The following BBX variants were observed in gnomAD, a reference collection of about 807,000 sequenced individuals.
The protein encoded by BBX is HMG box transcription factor BBX.
In BBX, 30 loss-of-function variants were observed where a neutral mutation model predicts 100.2. That is an observed-to-expected ratio of 0.30 (90% CI 0.22 to 0.41). The LOEUF is 0.41. Among genes scored for constraint, BBX ranks in the 10% least tolerant of loss-of-function variants. The pLI is 1.00. For missense variants in BBX, 1,023 were observed against 1,129.8 expected (o/e 0.91, Z 1.35); for synonymous variants, 376 against 388.1 (o/e 0.97, Z 0.37).
intron 2 of BBX, among the ~76,000 whole-genome samples, chr3:107,566,187 AAAAAAAAAAAAAAAAGAT>A (rs1434645006): frequency 6.8e-6 from 1 of 146,142 alleles, no homozygotes; most frequent in African/African-American, 2.7e-5. Context: ...AAAAAAAAAA[AAAAAAAAAAAAAAAAGAT>A]AGTTTGTTGA....
intron 2 of BBX, among the ~76,000 whole-genome samples, chr3:107,583,290 G>T (rs1339495736): frequency 1.3e-5 from 2 of 151,918 alleles, no homozygotes; most frequent in Non-Finnish European, 2.9e-5. Context: ...AAAAGGATTG[G>T]AAAGGAACTT....
intron 3 of BBX, among the ~76,000 whole-genome samples, chr3:107,688,482 A>C (rs1384702877): frequency 6.6e-6 from 1 of 152,206 alleles, no homozygotes. Flanking sequence ...TTTAGCCATT[A>C]GTTAAGGGGT....
At chr3:107,553,480 G>T (rs946933696) in intron 2 of BBX, among the ~76,000 whole-genome samples, 2 of 152,282 alleles carry the variant, frequency 1.3e-5, no homozygotes, top group Admixed American at 1.3e-4. Context: ...TAAAATCTAA[G>T]TCCTGGCTTT....
chr3:107,671,078 A>AT (rs2058998635), intron 3 of BBX, among the ~76,000 whole-genome samples: 1 of 150,884 alleles, frequency 6.6e-6, no homozygotes, highest in South Asian at 2.1e-4. Context: ...TTTTAAAAAA[A>AT]TTTTTTGGAG....
chr3:107,670,849 ACAT>A (rs778819313), intron 3 of BBX, among the ~76,000 whole-genome samples: 5 of 152,082 alleles, frequency 3.3e-5, no homozygotes, highest in Non-Finnish European at 5.9e-5. Flanking sequence ...AACACCAACA[ACAT>A]CTCTACCTCG....
intron 17 of BBX, 60 bp from the exon 18 acceptor site, chr3:107,805,310 C>G (rs536992997): frequency 1.3e-6 from 2 of 1,490,216 alleles, no homozygotes; most frequent in Admixed American, 2.0e-5. Flanking sequence ...ATTCATCGTC[C>G]TCTCCTGTCT....
At chr3:107,775,077 A>T (rs2067219054) in intron 12 of BBX, among the ~76,000 whole-genome samples, 1 of 152,156 alleles carries the variant, frequency 6.6e-6, no homozygotes, top group Non-Finnish European at 1.5e-5. Flanking sequence ...TCACATTTTG[A>T]TCATAGTGAA....
At chr3:107,565,415 T>A (rs956139947) in intron 2 of BBX, among the ~76,000 whole-genome samples, 4 of 150,814 alleles carry the variant, frequency 2.7e-5, no homozygotes, top group African/African-American at 9.7e-5. Context: ...GTCTAATATT[T>A]ATTTCACTAC....
intron 16 of BBX, among the ~76,000 whole-genome samples, chr3:107,800,174 A>G (rs1338743384): frequency 6.6e-6 from 1 of 152,256 alleles, no homozygotes; most frequent in Non-Finnish European, 1.5e-5. Flanking sequence ...TACATTCAAT[A>G]CAATAGAAGT....
intron 3 of BBX, among the ~76,000 whole-genome samples, chr3:107,653,216 A>G (rs1195701463): frequency 6.6e-6 from 1 of 152,214 alleles, no homozygotes; most frequent in African/African-American, 2.4e-5. Flanking sequence ...AGAGCTTAAA[A>G]TGCAACCACA....
intron 5 of BBX, among the ~76,000 whole-genome samples, chr3:107,717,636 G>A (rs536945370): frequency 2.5e-4 from 38 of 152,096 alleles, no homozygotes; most frequent in African/African-American, 7.9e-4. Flanking sequence ...GCATTTCCAT[G>A]TAGGAAGGCT....
In BBX at chr3:107,697,842, C is replaced by T. The variant is rs557953119; in HGVS notation, c.-9-12610C>T. On this transcript the variant is annotated intron_variant, in intron 3 of 17. Transcript: ENST00000325805. ...GATCTCAGACTGCTGTGCTAGCAAT[C>T]AGGGAGACTCCGTGGGCGTACGACC... Among the ~76,000 whole-genome samples the T allele has an allele frequency of 2.6e-4, 40 of 152,004 alleles. 1 individual carries two copies. In the East Asian group the frequency reaches 7.7e-3, roughly 29 times the overall value.
At chr3:107,632,425 T>C (rs891543099) in intron 2 of BBX, among the ~76,000 whole-genome samples, 1 of 152,182 alleles carries the variant, frequency 6.6e-6, no homozygotes. Flanking sequence ...TTTTAGTTTT[T>C]GAAAGTGTCT....
chr3:107,559,398 G>A (rs1258451827), intron 2 of BBX, among the ~76,000 whole-genome samples: 1 of 152,192 alleles, frequency 6.6e-6, no homozygotes, highest in African/African-American at 2.4e-5. Flanking sequence ...AGAAGAAGCA[G>A]TACAGAAGTT....
At chr3:107,543,608 C>A (rs1045515878) in intron 2 of BBX, among the ~76,000 whole-genome samples, 1 of 152,160 alleles carries the variant, frequency 6.6e-6, no homozygotes, top group African/African-American at 2.4e-5. Context: ...TCCCTGTGTC[C>A]TGTGAAAACA....
At chr3:107,599,111 T>A (rs2053875008) in intron 2 of BBX, among the ~76,000 whole-genome samples, 1 of 152,132 alleles carries the variant, frequency 6.6e-6, no homozygotes, top group Non-Finnish European at 1.5e-5. Flanking sequence ...GGCCTTACTT[T>A]CCCCTGTGTA....
intron 2 of BBX, among the ~76,000 whole-genome samples, chr3:107,612,786 TCA>T (rs1163776491): frequency 6.6e-5 from 10 of 152,180 alleles, no homozygotes; most frequent in African/African-American, 2.4e-4. Flanking sequence ...GGCTCCACAG[TCA>T]GCAGATAGTC....
intron 3 of BBX, among the ~76,000 whole-genome samples, chr3:107,652,377 TACCA>T (rs1456898199): frequency 2.0e-5 from 2 of 99,058 alleles, no homozygotes; most frequent in African/African-American, 4.6e-5. Context: ...TTGTAAAATT[TACCA>T]GTTTTTCTGT....
chr3:107,758,050 G>A (rs759687948), intron 10 of BBX, among the ~76,000 whole-genome samples: 1 of 152,032 alleles, frequency 6.6e-6, no homozygotes, highest in Non-Finnish European at 1.5e-5. Context: ...TTTGGTAGAG[G>A]GTTATCATAG....
Sources: allele counts gnomAD v4.1 joint callset (sites outside exome capture counted in the v4.1 genomes callset), GRCh38; gene constraint gnomAD v4.1.1; transcripts MANE v1.5; gene names NCBI Gene and HGNC (gene_info 2026-07-23, HGNC 2026-07-21).